The following WWC2 variants were observed in gnomAD, a reference collection of about 807,000 sequenced individuals.
WWC2 encodes the protein protein WWC2.
WWC2 carries 101 observed loss-of-function variants against 138.5 expected under a neutral mutation model. That is an observed-to-expected ratio of 0.73 (90% confidence interval 0.62 to 0.86). WWC2 has a LOEUF of 0.86. Ranked by LOEUF, WWC2 falls within the 40% of genes least tolerant of loss-of-function variation. The probability of loss-of-function intolerance (pLI) is 0.00; values close to 1 mark genes in which losing one functional copy is unlikely to be tolerated. For synonymous variants in WWC2, 558 were observed against 538.4 expected (o/e 1.04, Z -0.50); for missense variants, 1,420 against 1,419.4 (o/e 1.00, Z -0.01).
At chr4:183,290,840 A>T (rs758127829) in intron 21 of WWC2, among the ~76,000 whole-genome samples, 133 of 152,314 alleles carry the variant, frequency 8.7e-4, no homozygotes, top group Middle Eastern at 6.8e-3. Flanking sequence ...TTTGACCCAG[A>T]GTTGTTATTT....
At chr4:183,163,269 T>C (rs1364030895) in intron 1 of WWC2, among the ~76,000 whole-genome samples, 1 of 152,174 alleles carries the variant, frequency 6.6e-6, no homozygotes, top group Non-Finnish European at 1.5e-5. Flanking sequence ...CCTCACTCTT[T>C]CTGGTCCACA....
At chr4:183,247,648 C>CTATATATACTATATACTATATATACTA (rs1436358243) in intron 6 of WWC2, among the ~76,000 whole-genome samples, 3 of 128,576 alleles carry the variant, frequency 2.3e-5, no homozygotes, top group African/African-American at 1.0e-4. Flanking sequence ...ACTATATATA[C>CTATATATACTATATACTATATATACTA]TATATACTAT....
intron 1 of WWC2, among the ~76,000 whole-genome samples, chr4:183,102,353 C>G (rs1743207227): frequency 6.6e-6 from 1 of 152,154 alleles, no homozygotes; most frequent in Non-Finnish European, 1.5e-5. Flanking sequence ...GAAATACTAG[C>G]ATGGACAGTA....
intron 21 of WWC2, among the ~76,000 whole-genome samples, chr4:183,295,064 GT>G (rs574652312): frequency 5.2e-4 from 74 of 143,468 alleles, no homozygotes; most frequent in African/African-American, 1.8e-3. Context: ...CAAGAAGTGT[GT>G]TTGTTTCCAG....
chr4:183,265,743 A>G lies in WWC2; in HGVS notation c.2095A>G (p.Thr699Ala). 1.2e-6 allele frequency: 2 copies of G among 1,611,744 alleles called. No homozygotes were observed. Among genetic ancestry groups the G allele is most frequent in the Non-Finnish European group, 1.7e-6 (2 of 1,178,958 alleles). ...TGAAGAGGATGTAGCCATTGTAGAG[A>G]CCGCCCAGGTTCAGATAGGACTCAG... ...YSEEDVAIVE[T>A]AQVQIGLRYN... Residue 699 changes from threonine (T) to alanine (A), a missense_variant, in exon 13 of 23, where the codon ACC becomes GCC. Coordinates refer to ENST00000403733, the MANE Select transcript of WWC2 (RefSeq NM_024949.6).
chr4:183,150,736 G>A (rs1733614673), intron 1 of WWC2, among the ~76,000 whole-genome samples: 1 of 151,934 alleles, frequency 6.6e-6, no homozygotes, highest in South Asian at 2.1e-4. Context: ...GTGTCCAAGT[G>A]TTCTCATTGT....
chr4:183,229,219 C>T (rs1007178662), intron 4 of WWC2, among the ~76,000 whole-genome samples: 1 of 151,984 alleles, frequency 6.6e-6, no homozygotes, highest in Non-Finnish European at 1.5e-5. Context: ...TGTTGTACTT[C>T]TAAGAAACCT....
At chr4:183,255,768 T>G (rs1413970639) in intron 9 of WWC2, among the ~76,000 whole-genome samples, 1 of 152,188 alleles carries the variant, frequency 6.6e-6, no homozygotes, top group Non-Finnish European at 1.5e-5. Flanking sequence ...GATAGCAATT[T>G]GTTCCTGAGA....
In WWC2 at chr4:183,266,667, A is replaced by G. The variant is rs182615757; in HGVS notation, c.2207+716A>G. Among the ~76,000 whole-genome samples the G allele has an allele frequency of 5.1e-4, 77 of 152,322 alleles. 1 individual carries two copies. Among genetic ancestry groups the G allele is most frequent in the African/African-American group, 1.2e-3 (50 of 41,584 alleles). ...AGAATCCAGACTTCGACTTAGCACT[A>G]TGACGTAGAATCCGGAATATGCATG... is the stretch of plus-strand genomic sequence containing the variant. On this transcript the variant is annotated intron_variant, in intron 14 of 22. Coordinates refer to ENST00000403733, the MANE Select transcript of WWC2 (RefSeq NM_024949.6).
intron 1 of WWC2, among the ~76,000 whole-genome samples, chr4:183,180,703 C>T (rs1189405583): frequency 6.6e-6 from 1 of 151,386 alleles, no homozygotes; most frequent in Non-Finnish European, 1.5e-5. Flanking sequence ...ATCTTGAAAA[C>T]ATTTTGCCAA....
At chr4:183,205,967 TCTC>T (rs1253268980) in intron 2 of WWC2, among the ~76,000 whole-genome samples, 1 of 152,182 alleles carries the variant, frequency 6.6e-6, no homozygotes, top group Non-Finnish European at 1.5e-5. Flanking sequence ...TTCTGGAACT[TCTC>T]CAGTCTCTGG....
chr4:183,284,213 A>T lies in WWC2; in HGVS notation c.2884-13A>T. On this transcript the variant is annotated splice_polypyrimidine_tract_variant and intron_variant, in intron 18 of 22. Transcript: ENST00000403733. ...TCTTTCAGCTCCTGACAAATTGTTA[A>T]CTTCTCTTATAGGTTGACAAAGAGA... The T allele has an allele frequency of 6.2e-7, 1 of 1,609,932 alleles. No individual in the cohort carries two copies. The highest frequency in any genetic ancestry group is 8.5e-7 in the Non-Finnish European group (1 of 1,176,700).
In WWC2 at chr4:183,260,909, G is replaced by C; in HGVS notation, c.1287-1G>C. ...TATGGTGTGTGCTTTTTGTCTTTCAGCCTCTCTGCCAGCACCCTGTCCATG... is the reference window on the plus strand; with the variant it reads ...TATGGTGTGTGCTTTTTGTCTTTCACCCTCTCTGCCAGCACCCTGTCCATG... On this transcript the variant is annotated splice_acceptor_variant, in intron 10 of 22. Coordinates refer to ENST00000403733, the MANE Select transcript of WWC2 (RefSeq NM_024949.6). LOFTEE classifies it high-confidence loss of function. 7 of 1,612,334 alleles carry C rather than the reference G, an allele frequency of 4.3e-6. No homozygotes were observed. The highest frequency in any genetic ancestry group is 5.9e-6 in the Non-Finnish European group (7 of 1,179,430).
chr4:183,103,678 G>C (rs1179595317), intron 1 of WWC2, among the ~76,000 whole-genome samples: 1 of 140,924 alleles, frequency 7.1e-6, no homozygotes, highest in Non-Finnish European at 1.5e-5. Flanking sequence ...TTGCTGTGTC[G>C]CCAGACTGGA....
chr4:183,289,562 G>A lies in WWC2; in HGVS notation c.3311G>A (p.Gly1104Glu). Reference protein sequence around the residue: ...RQKLEELKAQGETDLPPGVLE... With the variant: ...RQKLEELKAQEETDLPPGVLE... ...AAGCTGGAGGAACTGAAAGCTCAGG[G>A]AGAGACTGACCTTCCACCAGGCGTG... is the stretch of plus-strand genomic sequence containing the variant. The change falls in exon 21 of 23, where the codon GGA becomes GAA. Residue 1104 changes from glycine (G) to glutamate (E), a missense_variant. By Grantham distance (98) the Gly-to-Glu change is moderately conservative (BLOSUM62 -2). Coordinates refer to ENST00000403733, the MANE Select transcript of WWC2 (RefSeq NM_024949.6). The A allele has an allele frequency of 1.2e-6, 2 of 1,613,986 alleles. No homozygotes were observed. The highest frequency in any genetic ancestry group is 2.2e-5 in the South Asian group (2 of 91,070).
At chr4:183,251,197 G>C (rs1443541975) in intron 8 of WWC2, among the ~76,000 whole-genome samples, 1 of 152,220 alleles carries the variant, frequency 6.6e-6, no homozygotes, top group East Asian at 1.9e-4. Context: ...TCAGTGCCCA[G>C]ATTAGTGCCT....
At chr4:183,103,000 C>T (rs539022268) in intron 1 of WWC2, among the ~76,000 whole-genome samples, 30 of 151,998 alleles carry the variant, frequency 2.0e-4, no homozygotes, top group African/African-American at 7.2e-4. Flanking sequence ...GCTTTACCAA[C>T]TCCCAGTAGA....
At chr4:183,279,196 A>C (rs953706499) in intron 16 of WWC2, among the ~76,000 whole-genome samples, 16 of 152,006 alleles carry the variant, frequency 1.1e-4, no homozygotes, top group Non-Finnish European at 1.6e-4. Flanking sequence ...GGGTTGTTGA[A>C]TTTTGTCAAA....
intron 4 of WWC2, among the ~76,000 whole-genome samples, chr4:183,219,670 C>G (rs1166972707): frequency 2.0e-5 from 3 of 152,168 alleles, no homozygotes; most frequent in African/African-American, 7.2e-5. Flanking sequence ...TTTGACTATT[C>G]ATAAAGTAGT....
Sources: allele counts gnomAD v4.1 joint callset (sites outside exome capture counted in the v4.1 genomes callset), GRCh38; gene constraint gnomAD v4.1.1; transcripts MANE v1.5; gene names NCBI Gene and HGNC (gene_info 2026-07-23, HGNC 2026-07-21).